Variants in LTBP1 observed in about 807,000 individuals in gnomAD.
LTBP1 encodes the protein latent-transforming growth factor beta-binding protein 1.
Under a neutral mutation model 207.6 loss-of-function variants are expected in LTBP1, and 129 were observed. That is an observed-to-expected ratio of 0.62 (90% CI 0.54 to 0.72). LTBP1 has a LOEUF of 0.72. LTBP1 is among the 30% of genes least tolerant of loss of function. The probability of loss-of-function intolerance (pLI) is 0.00; values close to 1 mark genes in which losing one functional copy is unlikely to be tolerated. For synonymous variants in LTBP1, 963 were observed against 833.7 expected, an observed-to-expected ratio of 1.16 and a Z score of -2.67; for missense variants, 2,281 against 2,217.2, an observed-to-expected ratio of 1.03 and a Z score of -0.58.
At chr2:33,364,643 G>A (rs1409479294) in intron 30 of LTBP1, among the ~76,000 whole-genome samples, 2 of 152,280 alleles carry the variant, frequency 1.3e-5, no homozygotes, top group Non-Finnish European at 2.9e-5. Flanking sequence ...AACCTGCAGA[G>A]GCAGCTGAGG....
chr2:33,225,756 A>G (rs182845615), intron 9 of LTBP1, among the ~76,000 whole-genome samples: 144 of 152,204 alleles, frequency 9.5e-4, no homozygotes, highest in Non-Finnish European at 1.9e-3. Flanking sequence ...CCCAGCCTCT[A>G]GTTATCTTCT....
intron 3 of LTBP1, chr2:33,056,594 T>G (rs553607520): frequency 1.2e-5 from 4 of 337,302 alleles, no homozygotes; most frequent in Non-Finnish European, 2.2e-5. Context: ...TCGCAGTGAG[T>G]GTTATAGTTC....
At chr2:33,193,982 TTTTA>T (rs1269670789) in intron 7 of LTBP1, among the ~76,000 whole-genome samples, 2 of 147,186 alleles carry the variant, frequency 1.4e-5, no homozygotes, top group Non-Finnish European at 3.0e-5. Flanking sequence ...CTTTATTTAT[TTTTA>T]TTTATTTATT....
intron 5 of LTBP1, among the ~76,000 whole-genome samples, chr2:33,138,841 A>G (rs1310585766): frequency 8.0e-6 from 1 of 125,122 alleles, no homozygotes; most frequent in Admixed American, 8.3e-5. Flanking sequence ...TTTAAAAAGT[A>G]TGTTCTCTTT....
At chr2:33,189,799 G>A (rs1044779184) in intron 7 of LTBP1, among the ~76,000 whole-genome samples, 2 of 152,134 alleles carry the variant, frequency 1.3e-5, no homozygotes, top group Non-Finnish European at 2.9e-5. Flanking sequence ...GCCGAGGCAG[G>A]TGGATTACCT....
Position 33,273,650 on chromosome 2 carries a change from T to C in LTBP1, c.2618-6T>C. 1 of 1,595,772 alleles carries C rather than the reference T, an allele frequency of 6.3e-7. No individual in the cohort carries two copies. The highest frequency in any genetic ancestry group is 1.1e-5 in the South Asian group (1 of 86,992). ...TTTTTTCACATTATTTTATTTACTT[T>C]TAAAGAAATCAATGAATGTACTGTG... On this transcript the variant is annotated splice_polypyrimidine_tract_variant and splice_region_variant and intron_variant, in intron 15 of 33. Transcript: ENST00000404816.
intron 28 of LTBP1, 122 bp from the exon 29 acceptor site, chr2:33,363,268 A>T: frequency 1.1e-6 from 1 of 942,964 alleles, no homozygotes. Flanking sequence ...CTGTTTGTGT[A>T]GGATTCTTTG....
At chr2:33,098,880 A>G (rs1421321661) in intron 3 of LTBP1, among the ~76,000 whole-genome samples, 1 of 152,228 alleles carries the variant, frequency 6.6e-6, no homozygotes, top group Admixed American at 6.5e-5. Context: ...CTGTAGAGGC[A>G]CTACCTTCAC....
At chr2:33,338,542 G>A (rs13432307) in intron 24 of LTBP1, among the ~76,000 whole-genome samples, 61,164 of 151,998 alleles carry the variant, frequency 0.4, 12,713 homozygotes, top group Non-Finnish European at 0.43. Context: ...ACCCTGAGAA[G>A]GAGCCCTCGA....
chr2:33,207,394 A>C (rs763601116), intron 7 of LTBP1, among the ~76,000 whole-genome samples: 1 of 152,316 alleles, frequency 6.6e-6, no homozygotes, highest in East Asian at 1.9e-4. Context: ...GTCACAGTAG[A>C]TACTTTGTAA....
chr2:33,069,742 C>T (rs1434562985), intron 3 of LTBP1, among the ~76,000 whole-genome samples: 2 of 152,178 alleles, frequency 1.3e-5, no homozygotes, highest in Non-Finnish European at 2.9e-5. Flanking sequence ...TTCTCCCTTT[C>T]CCCCATTTTC....
intron 3 of LTBP1, among the ~76,000 whole-genome samples, chr2:33,050,428 C>T (rs1292469670): frequency 6.6e-6 from 1 of 151,966 alleles, no homozygotes; most frequent in South Asian, 2.1e-4. Context: ...AATCTTTCTC[C>T]ATGTGGAGAA....
intron 24 of LTBP1, among the ~76,000 whole-genome samples, chr2:33,332,505 A>G (rs1413869380): frequency 6.6e-6 from 1 of 151,614 alleles, no homozygotes; most frequent in Admixed American, 6.6e-5. Flanking sequence ...TTAATATTTG[A>G]CATATTTCTT....
chr2:33,221,982 G>C, intron 8 of LTBP1, 98 bp from the exon 9 acceptor site: 1 of 758,336 alleles, frequency 1.3e-6, no homozygotes. Flanking sequence ...AAATGAATAA[G>C]TAAGTTTGCT....
At chr2:33,043,930 G>A (rs968702912) in intron 3 of LTBP1, among the ~76,000 whole-genome samples, 1 of 152,098 alleles carries the variant, frequency 6.6e-6, no homozygotes, top group Non-Finnish European at 1.5e-5. Context: ...GAGAGCCCTT[G>A]TAGAGGGTGG....
intron 31 of LTBP1, among the ~76,000 whole-genome samples, chr2:33,368,396 G>T (rs542616907): frequency 6.6e-6 from 1 of 152,280 alleles, no homozygotes; most frequent in South Asian, 2.1e-4. Flanking sequence ...TCTCTTTGCT[G>T]TTGTGAGTAG....
At chr2:33,070,601 C>A (rs905440748) in intron 3 of LTBP1, among the ~76,000 whole-genome samples, 3 of 152,226 alleles carry the variant, frequency 2.0e-5, no homozygotes, top group African/African-American at 7.2e-5. Flanking sequence ...TTCCCAGAAG[C>A]CCAAGGGCCA....
At chr2:33,149,228 CAAAAAAA>C (rs58303103) in intron 5 of LTBP1, among the ~76,000 whole-genome samples, 38 of 82,790 alleles carry the variant, frequency 4.6e-4, no homozygotes, top group Non-Finnish European at 8.1e-4. Flanking sequence ...CACAAAAAAA[CAAAAAAA>C]AAAAAAAAAA....
chr2:33,028,529 A>G (rs975811333), intron 3 of LTBP1, among the ~76,000 whole-genome samples: 6 of 152,146 alleles, frequency 3.9e-5, no homozygotes, highest in African/African-American at 1.4e-4. Context: ...TTAGCTGGGC[A>G]TAGTGGCGAG....
Sources: gnomAD v4.1 joint callset for allele counts (sites outside exome capture counted in the v4.1 genomes callset) on GRCh38, gnomAD v4.1.1 for gene constraint, MANE v1.5 for transcripts, NCBI Gene and HGNC (gene_info 2026-07-23, HGNC 2026-07-21) for gene names.